ASMT: variants seen among roughly 807,000 people sequenced by gnomAD.
ASMT encodes the protein acetylserotonin O-methyltransferase.
Under a neutral mutation model 41.3 loss-of-function variants are expected in ASMT, and 53 were observed. The ratio of observed to expected loss-of-function variants is 1.28; its 90% CI spans 1.03 to 1.61. ASMT has a LOEUF of 1.61. ASMT is among the 40% of genes most tolerant of loss of function. The probability of loss-of-function intolerance (pLI) is 0.00; values close to 1 mark genes in which losing one functional copy is unlikely to be tolerated. For synonymous variants in ASMT, 231 were observed against 184.8 expected (o/e 1.25, Z -2.03); for missense variants, 531 against 441.3 (o/e 1.20, Z -1.82).
intron 1 of ASMT, among the ~76,000 whole-genome samples, chrX:1,616,448 G>C (rs1372752754): frequency 6.6e-6 from 1 of 151,414 alleles, no homozygotes; most frequent in African/African-American, 2.4e-5. Flanking sequence ...GGCTGGGCAG[G>C]ACTGCGGAGG....
chrX:1,628,175 G>C (rs1429527763), intron 4 of ASMT: 2 of 242,068 alleles, frequency 8.3e-6, no homozygotes, highest in Admixed American at 5.2e-5. Flanking sequence ...ACAAAAATTA[G>C]CCGGGCGTGG....
intron 3 of ASMT, 111 bp from the exon 4 acceptor site, chrX:1,627,592 G>T (rs1934599701): frequency 1.7e-6 from 2 of 1,182,584 alleles, no homozygotes; most frequent in African/African-American, 1.5e-5. Context: ...TTGCACTCCA[G>T]CCTGGGCTAC....
In ASMT at chrX:1,630,871, TTTTATTTATTTA is replaced by T. The variant is rs112497831; in HGVS notation, c.562+949_562+960del. On this transcript the variant is annotated intron_variant, in intron 5 of 8. Coordinates refer to ENST00000381241, the MANE Select transcript of ASMT (RefSeq NM_001171038.2). Reference sequence around the variant, plus strand: ...CCACACCCAGGCTGAGCTGAGCTTGTTTTATTTATTTATTTATTTATTTATTTACTTGTATTT... The same window carrying T: ...CCACACCCAGGCTGAGCTGAGCTTGTTTTATTTATTTATTTACTTGTATTT... 3.6e-5 allele frequency among the ~76,000 whole-genome samples: 5 copies of T among 139,950 alleles called. No individual in the cohort carries two copies. The South Asian group carries it at 9.1e-4, about 25-fold the overall frequency. The allele number at this position is 139,950 out of a possible 152,430, so 91.8% of individuals were successfully genotyped here.
chrX:1,633,562 A>G (rs1372469233), intron 7 of ASMT, among the ~76,000 whole-genome samples: 14 of 150,998 alleles, frequency 9.3e-5, no homozygotes, highest in South Asian at 2.1e-4. Flanking sequence ...TGCAACCTCC[A>G]CCTCCTGGGT....
chrX:1,622,820 G>A (rs1438645865), intron 1 of ASMT, among the ~76,000 whole-genome samples: 1 of 151,842 alleles, frequency 6.6e-6, no homozygotes, highest in Non-Finnish European at 1.5e-5. Context: ...GCTGAGGCAG[G>A]AGAATGGTGT....
chrX:1,636,272 C>G (rs1457581832), intron 7 of ASMT, 166 bp from the exon 8 acceptor site: 15 of 1,055,834 alleles, frequency 1.4e-5, no homozygotes, highest in Non-Finnish European at 1.9e-5. Flanking sequence ...ATTTTCTTAT[C>G]TTTCTCCTAA....
chrX:1,622,640 G>A (rs1266061668), intron 1 of ASMT, among the ~76,000 whole-genome samples: 9 of 152,008 alleles, frequency 5.9e-5, no homozygotes, highest in East Asian at 1.9e-4. Context: ...GGGGCCAGGC[G>A]CAATGGCTCA....
Position 1,636,994 on chromosome X carries a change from C to G in ASMT, c.910+434C>G, listed in dbSNP as rs191231774. ...GCACATGAGGATGTGGGCACAGCCT[C>G]TGTGTGTGATGGGGACAGTGTCCCA... On this transcript the variant is annotated intron_variant, in intron 8 of 8. Transcript: ENST00000381241. Among the ~76,000 whole-genome samples the G allele has an allele frequency of 1.3e-3, 74 of 55,550 alleles. 1 individual carries two copies. In the East Asian group the frequency reaches 0.019, roughly 14 times the overall value. 36.4% of individuals were successfully genotyped at this position (55,550 alleles called of 152,430 possible).
intron 1 of ASMT, among the ~76,000 whole-genome samples, chrX:1,617,440 C>G (rs1446416257): frequency 6.6e-6 from 1 of 151,528 alleles, no homozygotes; most frequent in Non-Finnish European, 1.5e-5. Context: ...CCACTGCACT[C>G]CAGCCTGGGT....
Position 1,623,850 on chromosome X carries a change from C to T in ASMT, c.245-419C>T, listed in dbSNP as rs778741179. ...TTTTAGTAGAGACAGGATTTCGTCACGTTGGCCAGGCCGGTCTCGAGCTCC... is the reference window on the plus strand; with the variant it reads ...TTTTAGTAGAGACAGGATTTCGTCATGTTGGCCAGGCCGGTCTCGAGCTCC... On this transcript the variant is annotated intron_variant, in intron 2 of 8. Transcript: ENST00000381241. Among the ~76,000 whole-genome samples the T allele has an allele frequency of 5.3e-5, 8 of 152,052 alleles. No homozygotes were observed. In the South Asian group the frequency reaches 1.5e-3, roughly 28 times the overall value.
Position 1,624,295 on chromosome X carries a change from A to G in ASMT, c.271A>G (p.Ser91Gly). Residue 91 changes from serine to glycine, a missense_variant, in exon 3 of 9, where the codon AGC becomes GGC. Coordinates refer to ENST00000381241, the MANE Select transcript of ASMT (RefSeq NM_001171038.2). ...KAFYRNTELS[S>G]DYLTTVSPTS... ...TTTCTATCGAAACACAGAGCTGTCC[A>G]GCGACTACCTGACCACGGTCAGCCC... is the stretch of plus-strand genomic sequence containing the variant. 1 of 1,613,972 alleles carries G rather than the reference A, an allele frequency of 6.2e-7. No individual in the cohort carries two copies.
intron 1 of ASMT, among the ~76,000 whole-genome samples, chrX:1,622,139 G>C (rs181701889): frequency 3.3e-5 from 5 of 150,328 alleles, no homozygotes; most frequent in African/African-American, 7.3e-5. Flanking sequence ...ATACAGGTGC[G>C]CACCACCATG....
At chrX:1,629,717 C>T in intron 4 of ASMT, 104 bp from the exon 5 acceptor site, 2 of 1,040,682 alleles carry the variant, frequency 1.9e-6, no homozygotes, top group Non-Finnish European at 3.0e-6. Context: ...TCCAGGTGCA[C>T]CTGTGGGGTA....
intron 1 of ASMT, among the ~76,000 whole-genome samples, chrX:1,615,574 G>A (rs779831898): frequency 7.9e-5 from 12 of 151,920 alleles, no homozygotes; most frequent in Middle Eastern, 3.4e-3. Context: ...AGGCTGAGGC[G>A]GGCGGATCAC....
intron 5 of ASMT, among the ~76,000 whole-genome samples, chrX:1,632,047 C>T (rs1406608792): frequency 2.0e-5 from 3 of 151,928 alleles, no homozygotes; most frequent in Non-Finnish European, 2.9e-5. Flanking sequence ...GACTCCATCT[C>T]AAAATAAATA....
At chrX:1,642,475 C>T (rs1170988949) in intron 8 of ASMT, among the ~76,000 whole-genome samples, 1 of 147,894 alleles carries the variant, frequency 6.8e-6, no homozygotes, top group African/African-American at 2.5e-5. Context: ...GTCCATCGAT[C>T]CTGATGGCCC....
In ASMT at chrX:1,615,251, G is replaced by A. The variant is rs762243382; in HGVS notation, c.52G>A (p.Gly18Ser). ...TCGCCTCCTTAATGACTACGCCAAC[G>A]GCTTCATGGTGTCCCAGGTAGGATA... ...AYRLLNDYAN[G>S]FMVSQVLFAA... Residue 18 changes from glycine to serine, a missense_variant, in exon 1 of 9, where the codon GGC becomes AGC. By Grantham distance (56) the Gly-to-Ser change is moderately conservative (BLOSUM62 0). Coordinates refer to ENST00000381241, the MANE Select transcript of ASMT (RefSeq NM_001171038.2). 8.1e-6 allele frequency: 13 copies of A among 1,595,374 alleles called. No individual in the cohort carries two copies. In the East Asian group the frequency reaches 1.4e-4, roughly 17 times the overall value.
chrX:1,630,098 G>C (rs776976390), intron 5 of ASMT, among the ~76,000 whole-genome samples, 159 bp downstream of exon 5: 4 of 152,226 alleles, frequency 2.6e-5, no homozygotes, highest in African/African-American at 9.6e-5. Context: ...GCACTTCCTA[G>C]AGTCAGCAAA....
chrX:1,631,643 G>A (rs1191630017), intron 5 of ASMT, among the ~76,000 whole-genome samples: 3 of 152,226 alleles, frequency 2.0e-5, no homozygotes, highest in Admixed American at 6.6e-5. Flanking sequence ...GACCGGGCGC[G>A]GTGGCTCACT....
Sources: allele counts gnomAD v4.1 joint callset (sites outside exome capture counted in the v4.1 genomes callset), GRCh38; gene constraint gnomAD v4.1.1; transcripts MANE v1.5; gene names NCBI Gene and HGNC (gene_info 2026-07-23, HGNC 2026-07-21).